LAMB4: variants seen among roughly 807,000 people sequenced by gnomAD.
LAMB4 encodes laminin subunit beta 4.
LAMB4 carries 196 observed loss-of-function variants against 199.2 expected under a neutral mutation model. The observed-to-expected ratio is 0.98, with a 90% CI of 0.88 to 1.11. LAMB4 has a LOEUF of 1.11. Ranked by LOEUF, LAMB4 falls within the 50% of genes least tolerant of loss-of-function variation. The probability of loss-of-function intolerance (pLI) is 0.00; values close to 1 mark genes in which losing one functional copy is unlikely to be tolerated. For synonymous variants in LAMB4, 744 were observed against 770.6 expected, an observed-to-expected ratio of 0.97 and a Z score of 0.57; for missense variants, 2,080 against 2,171.2, an observed-to-expected ratio of 0.96 and a Z score of 0.83.
Position 108,079,762 on chromosome 7 carries a change from G to C in LAMB4, c.1726C>G (p.Pro576Ala). ...TCTCCTAAAACAACGTGAACAGCAGGACTCTGGCCAAACGTCTCCGAGCCC... is the reference window on the plus strand; with the variant it reads ...TCTCCTAAAACAACGTGAACAGCAGCACTCTGGCCAAACGTCTCCGAGCCC... ...PLGSETFGQS[P>A]AVHVVLGEPV... Residue 576 changes from proline (P) to alanine (A), a missense_variant, in exon 15 of 34, where the codon CCT becomes GCT. Coordinates refer to ENST00000388781, the MANE Select transcript of LAMB4 (RefSeq NM_007356.3). 6.3e-7 allele frequency: 1 copy of C among 1,599,228 alleles called. No individual in the cohort carries two copies. The highest frequency in any genetic ancestry group is 1.7e-4 in the Middle Eastern group (1 of 5,962).
chr7:108,058,624 T>C (rs1287408921), intron 23 of LAMB4, among the ~76,000 whole-genome samples: 2 of 152,204 alleles, frequency 1.3e-5, no homozygotes, highest in Non-Finnish European at 2.9e-5. Context: ...GCTAGATTCT[T>C]AGAGTGACTG....
Position 108,101,958 on chromosome 7 carries a change from G to GT in LAMB4, c.1180+1085dup, listed in dbSNP as rs907472658. On this transcript the variant is annotated intron_variant, in intron 10 of 33. Transcript: ENST00000388781. Reference sequence around the variant, plus strand: ...AAAAATTGAAGTTTGACAAAACCAAGTGTCGGCAAGGAAGCAGAGCCCCAG... The same window carrying GT: ...AAAAATTGAAGTTTGACAAAACCAAGTTGTCGGCAAGGAAGCAGAGCCCCAG... 3.9e-4 allele frequency among the ~76,000 whole-genome samples: 59 copies of GT among 152,330 alleles called. 1 individual carries two copies. The highest frequency in any genetic ancestry group is 3.4e-3 in the Middle Eastern group (1 of 294).
chr7:108,111,349 T>C (rs2038216760), intron 4 of LAMB4, among the ~76,000 whole-genome samples: 1 of 152,264 alleles, frequency 6.6e-6, no homozygotes, highest in Non-Finnish European at 1.5e-5. Context: ...TCAGAGATTT[T>C]ACTTTGGCTT....
chr7:108,106,085 G>T (rs1423238574), intron 7 of LAMB4, 54 bp from the exon 8 acceptor site: 5 of 1,342,510 alleles, frequency 3.7e-6, no homozygotes, highest in Non-Finnish European at 5.3e-6. Flanking sequence ...TCAGTTCAAG[G>T]GACTCTTCTT....
At position 108,029,038 on chromosome 7, in the gene LAMB4, G is replaced by A; in HGVS notation, c.5146+5C>T. On this transcript the variant is annotated splice_donor_5th_base_variant and intron_variant, in intron 33 of 33. Coordinates refer to ENST00000388781, the MANE Select transcript of LAMB4 (RefSeq NM_007356.3). ...AATTGGCAGGATGGATAAAAGAACA[G>A]ATACCTGTTATTCTTCTTATCTTGG... The A allele has an allele frequency of 5.6e-6, 9 of 1,611,628 alleles. No homozygotes were observed. The highest frequency in any genetic ancestry group is 1.3e-5 in the African/African-American group (1 of 74,880).
chr7:108,093,080 T>C (rs1285325730), intron 12 of LAMB4, among the ~76,000 whole-genome samples: 1 of 152,188 alleles, frequency 6.6e-6, no homozygotes, highest in Non-Finnish European at 1.5e-5. Context: ...GCCTGTATTT[T>C]TCCCACCCCA....
chr7:108,069,988 A>C, intron 17 of LAMB4, 103 bp from the exon 18 acceptor site: 1 of 832,380 alleles, frequency 1.2e-6, no homozygotes. Flanking sequence ...GGTTCAAAGA[A>C]GACTCAACTC....
intron 31 of LAMB4, among the ~76,000 whole-genome samples, chr7:108,031,345 A>G (rs951404735): frequency 2.6e-5 from 3 of 115,588 alleles, no homozygotes; most frequent in Admixed American, 7.9e-5. Flanking sequence ...AAAAAAAAAA[A>G]AAGAAAAAAA....
At chr7:108,038,717 T>C (rs967873081) in intron 29 of LAMB4, among the ~76,000 whole-genome samples, 19 of 152,216 alleles carry the variant, frequency 1.2e-4, no homozygotes, top group African/African-American at 4.3e-4. Context: ...GTATTTTATG[T>C]GTGGCTCAAG....
chr7:108,120,900 A>G (rs563832790), intron 2 of LAMB4, among the ~76,000 whole-genome samples: 1 of 152,192 alleles, frequency 6.6e-6, no homozygotes, highest in Non-Finnish European at 1.5e-5. Flanking sequence ...TTTTCAGAAA[A>G]TATATTCCAG....
chr7:108,073,146 C>T (rs148635172), intron 17 of LAMB4, among the ~76,000 whole-genome samples: 37 of 152,328 alleles, frequency 2.4e-4, no homozygotes, highest in African/African-American at 8.9e-4. Context: ...GCTGGGACTA[C>T]AGGCAAACAC....
chr7:108,053,360 C>T (rs2035884741), intron 25 of LAMB4, among the ~76,000 whole-genome samples: 1 of 152,206 alleles, frequency 6.6e-6, no homozygotes, highest in African/African-American at 2.4e-5. Context: ...GTTCCCCTTC[C>T]ACCTGTAGTT....
rs576650209 is a variant in LAMB4, at chr7:108,093,559, TGA to T, written c.1471-1145_1471-1144del. 7.7e-4 allele frequency among the ~76,000 whole-genome samples: 117 copies of T among 152,338 alleles called. 3 individuals carry two copies. In the South Asian group the frequency reaches 0.023, roughly 30 times the overall value. On this transcript the variant is annotated intron_variant, in intron 12 of 33. Coordinates refer to ENST00000388781, the MANE Select transcript of LAMB4 (RefSeq NM_007356.3). ...TTTGGCATAATAACATGAATCCATA[TGA>T]GAGAGTCAACTCTATTGTTCCAGAC...
intron 1 of LAMB4, among the ~76,000 whole-genome samples, chr7:108,123,593 T>C (rs751892050): frequency 5.3e-5 from 8 of 152,188 alleles, no homozygotes; most frequent in African/African-American, 1.9e-4. Context: ...AAATATCACC[T>C]ATAATACCAC....
intron 31 of LAMB4, among the ~76,000 whole-genome samples, chr7:108,032,390 A>C (rs899154571): frequency 1.2e-4 from 16 of 132,556 alleles, no homozygotes; most frequent in Non-Finnish European, 4.5e-5. Flanking sequence ...ACTCCATCCC[A>C]AAAAAATAAA....
At chr7:108,066,816 T>C (rs970446239) in intron 19 of LAMB4, among the ~76,000 whole-genome samples, 1 of 152,142 alleles carries the variant, frequency 6.6e-6, no homozygotes, top group Non-Finnish European at 1.5e-5. Flanking sequence ...CAATTGGGTT[T>C]AATTAACGTT....
intron 17 of LAMB4, chr7:108,075,572 G>A (rs1464906280): frequency 1.3e-5 from 2 of 152,312 alleles, no homozygotes; most frequent in East Asian, 3.9e-4. Context: ...TTTTATCCAT[G>A]AAATTACTTT....
At chr7:108,012,441 C>T in the LAMB4 span, among the ~76,000 whole-genome samples, 9 of 152,134 alleles carry the variant, frequency 5.9e-5, no homozygotes, top group East Asian at 3.9e-4. Flanking sequence ...TAAACACAAA[C>T]GTAAAAATTC....
At chr7:108,104,828 T>C (rs1296179215) in intron 8 of LAMB4, among the ~76,000 whole-genome samples, 1 of 152,156 alleles carries the variant, frequency 6.6e-6, no homozygotes, top group Non-Finnish European at 1.5e-5. Flanking sequence ...AGTGAACTTC[T>C]AAAATACAAT....
Sources: allele counts gnomAD v4.1 joint callset (sites outside exome capture counted in the v4.1 genomes callset), GRCh38; gene constraint gnomAD v4.1.1; transcripts MANE v1.5; gene names NCBI Gene and HGNC (gene_info 2026-07-23, HGNC 2026-07-21).